The following SPNS3 variants were observed in gnomAD, a reference collection of about 807,000 sequenced individuals.
SPNS3 encodes the protein protein spinster homolog 3.
Under a neutral mutation model 54.4 loss-of-function variants are expected in SPNS3, and 51 were observed. The observed-to-expected ratio is 0.94, with a 90% confidence interval of 0.75 to 1.18. The LOEUF (loss-of-function observed/expected upper bound fraction) is 1.18, where lower values mean the gene tolerates loss of function less well. Ranked by LOEUF, SPNS3 falls within the 50% of genes most tolerant of loss-of-function variation. The pLI, the probability that SPNS3 is intolerant of heterozygous loss-of-function variation, is 0.00. For synonymous variants in SPNS3, 309 were observed against 294.7 expected (o/e 1.05, Z -0.50); for missense variants, 669 against 677.4 (o/e 0.99, Z 0.14).
intron 6 of SPNS3, among the ~76,000 whole-genome samples, chr17:4,448,668 A>C (rs1211694834): frequency 6.6e-6 from 1 of 152,140 alleles, no homozygotes; most frequent in East Asian, 1.9e-4. Flanking sequence ...GGATGCTGGG[A>C]ATTCATCACT....
Position 4,433,954 on chromosome 17 carries a change from A to G in SPNS3, c.-14A>G. 1.3e-6 allele frequency: 2 copies of G among 1,510,364 alleles called. No homozygotes were observed. Among genetic ancestry groups the G allele is most frequent in the African/African-American group, 1.4e-5 (1 of 70,796 alleles). The allele number at this position is 1,510,364 out of a possible 1,614,324, so 93.6% of individuals were successfully genotyped here. On this transcript the variant is annotated 5_prime_UTR_variant, in exon 1 of 12. Transcript: ENST00000355530. ...ATCCTGGCGCCAGTCTCAGGCCAAG[A>G]GCTGCAGGCTGGCATGGCTGGGGGG...
intron 4 of SPNS3, chr17:4,446,660 T>C (rs1970995613): frequency 1.7e-6 from 1 of 588,334 alleles, no homozygotes; most frequent in South Asian, 2.0e-5. Flanking sequence ...TGTGTTTCCA[T>C]AGGTGGAGAG....
rs1460085140 is a variant in SPNS3 at position 4,461,373 on chromosome 17, T to C, written c.1113+8168T>C. On this transcript the variant is annotated intron_variant, in intron 8 of 11. Coordinates refer to ENST00000355530, the MANE Select transcript of SPNS3 (RefSeq NM_182538.5). Reference sequence around the variant, plus strand: ...TTTCTTTTCTTTTCTTTTTTTTTTTTTTTTTTTTTTTTTTGAGACAGGGTC... The same window carrying C: ...TTTCTTTTCTTTTCTTTTTTTTTTTCTTTTTTTTTTTTTTGAGACAGGGTC... Among the ~76,000 whole-genome samples, 70 of 134,150 alleles carry C rather than the reference T, an allele frequency of 5.2e-4. 2 individuals carry two copies. The highest frequency in any genetic ancestry group is 1.8e-3 in the African/African-American group (67 of 36,828). 88.0% of individuals were successfully genotyped at this position (134,150 alleles called of 152,430 possible).
At chr17:4,475,058 T>G (rs1282279788) in intron 8 of SPNS3, among the ~76,000 whole-genome samples, 1 of 152,080 alleles carries the variant, frequency 6.6e-6, no homozygotes, top group Non-Finnish European at 1.5e-5. Flanking sequence ...TGTGTGACAG[T>G]GTGAGCATGG....
At chr17:4,487,747 C>T in intron 11 of SPNS3, 59 bp from the exon 12 acceptor site, 1 of 1,529,634 alleles carries the variant, frequency 6.5e-7, no homozygotes, top group Non-Finnish European at 9.1e-7. Flanking sequence ...CAGGCCCAGG[C>T]CTGGTCCCAA....
chr17:4,440,408 C>G (rs1056266150), intron 2 of SPNS3, among the ~76,000 whole-genome samples: 1 of 152,240 alleles, frequency 6.6e-6, no homozygotes, highest in Non-Finnish European at 1.5e-5. Flanking sequence ...AGGGTCCTCA[C>G]AGTCCATCAT....
chr17:4,464,812 C>A (rs757218969), intron 8 of SPNS3, among the ~76,000 whole-genome samples: 18 of 152,016 alleles, frequency 1.2e-4, no homozygotes, highest in Non-Finnish European at 1.2e-4. Context: ...TCCTGAGTAG[C>A]GGGATTACAG....
chr17:4,434,214 C>T, intron 1 of SPNS3, 48 bp downstream of exon 1: 2 of 1,521,054 alleles, frequency 1.3e-6, no homozygotes, highest in South Asian at 1.2e-5. Context: ...CTGTGCCCAC[C>T]AGCCAGGGGC....
In SPNS3 at chr17:4,478,134, G is replaced by C. The variant is rs373550984; in HGVS notation, c.1114-438G>C. Among the ~76,000 whole-genome samples, 12 of 151,908 alleles carry C rather than the reference G, an allele frequency of 7.9e-5. No homozygotes were observed. The East Asian group carries it at 2.3e-3, about 29-fold the overall frequency. Reference sequence around the variant, plus strand: ...CTACAGGTGTGAGCCACCACACCCTGCTAATTTTTGTATTTTTAGTAGAGA... The same window carrying C: ...CTACAGGTGTGAGCCACCACACCCTCCTAATTTTTGTATTTTTAGTAGAGA... On this transcript the variant is annotated intron_variant, in intron 8 of 11. Coordinates refer to ENST00000355530, the MANE Select transcript of SPNS3 (RefSeq NM_182538.5).
At chr17:4,435,442 A>G (rs1199320593) in intron 1 of SPNS3, among the ~76,000 whole-genome samples, 2 of 130,866 alleles carry the variant, frequency 1.5e-5, no homozygotes, top group Non-Finnish European at 3.4e-5. Context: ...CTCTGTCTCA[A>G]AAAAAAAAAA....
chr17:4,467,248 A>G (rs147385489), intron 8 of SPNS3, among the ~76,000 whole-genome samples: 4 of 151,868 alleles, frequency 2.6e-5, no homozygotes, highest in Non-Finnish European at 4.4e-5. Context: ...AAGCCACCAG[A>G]CTGTCCAGCG....
chr17:4,448,039 C>T, intron 5 of SPNS3, 116 bp from the exon 6 acceptor site: 2 of 1,051,174 alleles, frequency 1.9e-6, no homozygotes, highest in Non-Finnish European at 1.3e-6. Context: ...CCACTACCCC[C>T]AGGGCTTGGA....
Position 4,434,040 on chromosome 17 carries a change from G to C in SPNS3, c.73G>C (p.Gly25Arg). 6.2e-7 allele frequency: 1 copy of C among 1,608,344 alleles called. No homozygotes were observed. The highest frequency in any genetic ancestry group is 1.3e-5 in the African/African-American group (1 of 74,880). ...GGLQGQSPGP[G>R]RQCPPPITPT... ...TCTGCAGGGCCAGTCCCCAGGGCCA[G>C]GCAGGCAGTGTCCCCCTCCCATCAC... The change falls in exon 1 of 12, where the codon GGC (glycine) becomes CGC (arginine). Residue 25 changes from glycine (G) to arginine (R), a missense_variant. By Grantham distance (125) the Gly-to-Arg change is moderately radical. Transcript: ENST00000355530.
intron 8 of SPNS3, among the ~76,000 whole-genome samples, chr17:4,475,279 C>CT (rs1287965773): frequency 2.0e-5 from 3 of 152,168 alleles, no homozygotes; most frequent in Admixed American, 6.5e-5. Flanking sequence ...CACACAGACT[C>CT]TGAGGAGACA....
intron 2 of SPNS3, among the ~76,000 whole-genome samples, chr17:4,439,994 C>T (rs1318914933): frequency 6.6e-6 from 1 of 152,178 alleles, no homozygotes; most frequent in Non-Finnish European, 1.5e-5. Flanking sequence ...CGCTGTGGAG[C>T]TGGCCATTCC....
At chr17:4,436,379 G>C (rs993915431) in intron 1 of SPNS3, among the ~76,000 whole-genome samples, 1 of 152,050 alleles carries the variant, frequency 6.6e-6, no homozygotes, top group African/African-American at 2.4e-5. Flanking sequence ...CCTCACATGA[G>C]GTCAGGAGTT....
In SPNS3 at chr17:4,448,261, T is replaced by A; in HGVS notation, c.728T>A (p.Phe243Tyr). The A allele has an allele frequency of 6.3e-7, 1 of 1,596,828 alleles. No homozygotes were observed. The highest frequency in any genetic ancestry group is 8.5e-7 in the Non-Finnish European group (1 of 1,172,616). Residue 243 changes from phenylalanine (F) to tyrosine (Y), a missense_variant, in exon 6 of 12, where the codon TTC (phenylalanine) becomes TAC (tyrosine). Phe to Tyr is a conservative substitution (Grantham distance 22, BLOSUM62 3). Transcript: ENST00000355530. ...CAGGGGGAGGGGGCCGTGGGAGGCT[T>A]CAGGAGCAGCTGGTGTGAGGACGTC... ...ETQGEGAVGG[F>Y]RSSWCEDVRY...
chr17:4,453,128 G>C lies in SPNS3; in HGVS notation c.1036G>C (p.Ala346Pro). ...VIPGAEPLIC[A>P]SSLLATAPCL... ...TCCAGGAGCTGAGCCCCTCATCTGC[G>C]CCTCCAGCCTGCTTGCCACAGCCCC... The change falls in exon 8 of 12, where the codon GCC becomes CCC. Residue 346 changes from alanine to proline, a missense_variant. By Grantham distance (27) the Ala-to-Pro change is conservative. Coordinates refer to ENST00000355530, the MANE Select transcript of SPNS3 (RefSeq NM_182538.5). 1.2e-6 allele frequency: 2 copies of C among 1,614,038 alleles called. No homozygotes were observed. The highest frequency in any genetic ancestry group is 1.7e-6 in the Non-Finnish European group (2 of 1,179,994).
chr17:4,434,275 C>T lies in SPNS3; in HGVS notation c.199+109C>T, dbSNP rs1025090365. 8.0e-6 allele frequency: 9 copies of T among 1,119,888 alleles called. No homozygotes were observed. The East Asian group carries it at 1.8e-4, about 23-fold the overall frequency. The allele number at this position is 1,119,888 out of a possible 1,614,324, so 69.4% of individuals were successfully genotyped here. A position where few individuals can be genotyped will look rare whatever the true frequency, so the allele number is the denominator to read the frequency against. The stretch of plus-strand genomic sequence containing the variant: ...CATCACCCATCTTTCTGCTCCTGGG[C>T]CCATCTCTGGTGTTCTCACCTCTAG... On this transcript the variant is annotated intron_variant, in intron 1 of 11. Coordinates refer to ENST00000355530, the MANE Select transcript of SPNS3 (RefSeq NM_182538.5).
Sources: gnomAD v4.1 joint callset for allele counts (sites outside exome capture counted in the v4.1 genomes callset) on GRCh38, gnomAD v4.1.1 for gene constraint, MANE v1.5 for transcripts, NCBI Gene and HGNC (gene_info 2026-07-23, HGNC 2026-07-21) for gene names.